UBE2E2: variants seen among roughly 807,000 people sequenced by gnomAD.
UBE2E2 encodes the protein ubiquitin-conjugating enzyme E2 E2.
In UBE2E2, 6 loss-of-function variants were observed where a neutral mutation model predicts 24.7. The ratio of observed to expected loss-of-function variants is 0.24; its 90% CI spans 0.13 to 0.48. The LOEUF is 0.48. UBE2E2 is among the 20% of genes least tolerant of loss of function. The pLI is 0.99. For synonymous variants in UBE2E2, 104 were observed against 83.6 expected (o/e 1.24, Z -1.33); for missense variants, 169 against 245.0 (o/e 0.69, Z 2.07).
chr3:23,556,454 T>TTTAAAAAAA (rs1553620573), intron 5 of UBE2E2, among the ~76,000 whole-genome samples: 2 of 94,336 alleles, frequency 2.1e-5, no homozygotes, highest in Non-Finnish European at 4.2e-5. Context: ...AAAATTTATT[T>TTTAAAAAAA]AAAAAAAAAA....
At chr3:23,491,436 A>T (rs893197566) in intron 3 of UBE2E2, among the ~76,000 whole-genome samples, 3 of 152,206 alleles carry the variant, frequency 2.0e-5, no homozygotes, top group Non-Finnish European at 4.4e-5. Context: ...ACCACTTCCA[A>T]AGGAGAACCT....
chr3:23,306,831 C>T (rs911912228), intron 3 of UBE2E2, among the ~76,000 whole-genome samples: 3 of 152,130 alleles, frequency 2.0e-5, no homozygotes, highest in African/African-American at 7.2e-5. Context: ...TTTTATTTGA[C>T]TATTATTTAT....
chr3:23,272,645 A>G (rs1459384288), intron 3 of UBE2E2, among the ~76,000 whole-genome samples: 1 of 152,216 alleles, frequency 6.6e-6, no homozygotes, highest in African/African-American at 2.4e-5. Flanking sequence ...CTACAGAGAA[A>G]TAGACTATCT....
intron 4 of UBE2E2, among the ~76,000 whole-genome samples, chr3:23,503,161 T>G (rs1341613752): frequency 6.6e-6 from 1 of 151,544 alleles, no homozygotes; most frequent in Non-Finnish European, 1.5e-5. Flanking sequence ...GTTTTTTTTT[T>G]GTCATTTGGT....
intron 3 of UBE2E2, among the ~76,000 whole-genome samples, chr3:23,448,600 T>C (rs1314851626): frequency 6.6e-6 from 1 of 152,178 alleles, no homozygotes; most frequent in African/African-American, 2.4e-5. Flanking sequence ...GATCTAGATA[T>C]TTTCTATTTA....
At chr3:23,491,545 G>T (rs1271906410) in intron 3 of UBE2E2, among the ~76,000 whole-genome samples, 1 of 152,054 alleles carries the variant, frequency 6.6e-6, no homozygotes, top group African/African-American at 2.4e-5. Flanking sequence ...CAAAAGCCAG[G>T]AGACAAGAAA....
intron 5 of UBE2E2, among the ~76,000 whole-genome samples, chr3:23,556,968 T>C (rs1695805004): frequency 6.6e-6 from 1 of 152,152 alleles, no homozygotes. Flanking sequence ...GGCTAATTGA[T>C]CTAAACAATT....
chr3:23,354,531 T>C (rs1204260088), intron 3 of UBE2E2, among the ~76,000 whole-genome samples: 1 of 151,884 alleles, frequency 6.6e-6, no homozygotes, highest in Non-Finnish European at 1.5e-5. Context: ...CCAACAAATT[T>C]GCAAGAAAAA....
At chr3:23,273,242 T>A (rs4858488) in intron 3 of UBE2E2, among the ~76,000 whole-genome samples, 111,886 of 152,174 alleles carry the variant, frequency 0.74, 41,509 homozygotes, top group African/African-American at 0.83. Flanking sequence ...AACTGCAACT[T>A]TAAGAGAAAT....
At position 23,466,714 on chromosome 3, in the gene UBE2E2, CCCA is replaced by C. The variant is rs1441678300; in HGVS notation, c.228-32885_228-32883del. On this transcript the variant is annotated intron_variant, in intron 3 of 5. Coordinates refer to ENST00000396703, the MANE Select transcript of UBE2E2 (RefSeq NM_152653.4). ...TCCTGAGTAGCTTGGACTACAGGCACCCACCACCACCCTCAGCTAATTTTTTGT... is the reference window on the plus strand; with the variant it reads ...TCCTGAGTAGCTTGGACTACAGGCACCCACCACCCTCAGCTAATTTTTTGT... 1.7e-4 allele frequency among the ~76,000 whole-genome samples: 26 copies of C among 152,060 alleles called. 1 individual carries two copies. Among genetic ancestry groups the C allele is most frequent in the Non-Finnish European group, 3.8e-4 (26 of 67,976 alleles).
chr3:23,505,078 GTTTTTTTTTTTGTT>G (rs1694408393), intron 4 of UBE2E2, among the ~76,000 whole-genome samples: 1 of 139,570 alleles, frequency 7.2e-6, no homozygotes. Flanking sequence ...GCTAATTTTT[GTTTTTTTTTTTGTT>G]TTTTTTTTTG....
At chr3:23,251,945 T>C (rs1181807979) in intron 3 of UBE2E2, among the ~76,000 whole-genome samples, 1 of 152,206 alleles carries the variant, frequency 6.6e-6, no homozygotes, top group East Asian at 1.9e-4. Context: ...CAGCTGTCAT[T>C]TTAACAGTGT....
intron 5 of UBE2E2, among the ~76,000 whole-genome samples, chr3:23,546,348 A>G (rs1695520840): frequency 6.6e-6 from 1 of 152,154 alleles, no homozygotes; most frequent in African/African-American, 2.4e-5. Flanking sequence ...TCACTTAAAC[A>G]AACATCATTC....
At chr3:23,569,418 A>G (rs1409028108) in intron 5 of UBE2E2, among the ~76,000 whole-genome samples, 3 of 152,198 alleles carry the variant, frequency 2.0e-5, no homozygotes, top group Non-Finnish European at 4.4e-5. Context: ...TGGTTGCCCA[A>G]TCTGTGAATA....
chr3:23,350,614 TC>T (rs1375580218), intron 3 of UBE2E2, among the ~76,000 whole-genome samples: 2 of 152,100 alleles, frequency 1.3e-5, no homozygotes, highest in African/African-American at 4.8e-5. Context: ...GCCGATGTGA[TC>T]AACTGGAAGA....
intron 3 of UBE2E2, among the ~76,000 whole-genome samples, chr3:23,228,754 T>C (rs1241268440): frequency 6.6e-6 from 1 of 152,214 alleles, no homozygotes; most frequent in Non-Finnish European, 1.5e-5. Context: ...TTTAAGGGTA[T>C]ATCTCAATCC....
chr3:23,467,149 C>T (rs1403923582), intron 3 of UBE2E2, among the ~76,000 whole-genome samples: 1 of 152,100 alleles, frequency 6.6e-6, no homozygotes, highest in Non-Finnish European at 1.5e-5. Context: ...ATGTATGTTT[C>T]ATTAGGATTT....
At chr3:23,210,672 T>C (rs1696298087) in intron 2 of UBE2E2, among the ~76,000 whole-genome samples, 1 of 152,198 alleles carries the variant, frequency 6.6e-6, no homozygotes, top group Non-Finnish European at 1.5e-5. Context: ...ATAATGTATG[T>C]GCAGAGCGCA....
chr3:23,227,069 G>A lies in UBE2E2; in HGVS notation c.227+9757G>A, dbSNP rs147296561. Among the ~76,000 whole-genome samples the A allele has an allele frequency of 4.2e-3, 646 of 152,044 alleles. 6 individuals carry two copies. Among genetic ancestry groups the A allele is most frequent in the African/African-American group, 0.014 (598 of 41,476 alleles). ...TTTGAGAGACAAAATTAATGATGTC[G>A]AGGATGACTTTAAAGAGTGTGATAT... On this transcript the variant is annotated intron_variant, in intron 3 of 5. Coordinates refer to ENST00000396703, the MANE Select transcript of UBE2E2 (RefSeq NM_152653.4).
Sources: gnomAD v4.1 joint callset for allele counts (sites outside exome capture counted in the v4.1 genomes callset) on GRCh38, gnomAD v4.1.1 for gene constraint, MANE v1.5 for transcripts, NCBI Gene and HGNC (gene_info 2026-07-23, HGNC 2026-07-21) for gene names.